Variants in DPYD observed in about 807,000 individuals in gnomAD.
The protein encoded by DPYD is dihydropyrimidine dehydrogenase [NADP(+)].
DPYD carries 109 observed loss-of-function variants against 116.2 expected under a neutral mutation model. The observed-to-expected ratio is 0.94, with a 90% CI of 0.80 to 1.10. The LOEUF (loss-of-function observed/expected upper bound fraction) is 1.10, where lower values mean the gene tolerates loss of function less well. Ranked by LOEUF, DPYD falls within the 50% of genes least tolerant of loss-of-function variation. The probability of loss-of-function intolerance (pLI) is 0.00; values close to 1 mark genes in which losing one functional copy is unlikely to be tolerated. For missense variants in DPYD, 1,302 were observed against 1,254.5 expected (o/e 1.04, Z -0.57); for synonymous variants, 440 against 432.0 (o/e 1.02, Z -0.23).
chr1:97,114,639 C>T (rs1408904100), intron 20 of DPYD, among the ~76,000 whole-genome samples: 1 of 151,930 alleles, frequency 6.6e-6, no homozygotes, highest in Non-Finnish European at 1.5e-5. Flanking sequence ...GAATGAGCCA[C>T]AAAGAGAAAG....
intron 19 of DPYD, among the ~76,000 whole-genome samples, chr1:97,221,601 T>C (rs1210985253): frequency 6.6e-6 from 1 of 152,110 alleles, no homozygotes; most frequent in African/African-American, 2.4e-5. Context: ...CCAGGTTTTC[T>C]AGATCTCTAA....
intron 7 of DPYD, among the ~76,000 whole-genome samples, chr1:97,683,560 T>C (rs935134138): frequency 2.6e-5 from 4 of 151,970 alleles, no homozygotes; most frequent in Non-Finnish European, 5.9e-5. Context: ...TCATATTTTA[T>C]ACTTTTAACT....
intron 3 of DPYD, 67 bp downstream of exon 3, chr1:97,828,047 C>G: frequency 6.8e-7 from 1 of 1,467,672 alleles, no homozygotes. Context: ...CATTTGTTCC[C>G]CAAATAATGA....
At chr1:97,524,936 G>A (rs1648945821) in intron 12 of DPYD, among the ~76,000 whole-genome samples, 1 of 152,120 alleles carries the variant, frequency 6.6e-6, no homozygotes, top group Non-Finnish European at 1.5e-5. Context: ...CATCAAACCT[G>A]CTTCTTCTAC....
intron 20 of DPYD, among the ~76,000 whole-genome samples, chr1:97,129,335 G>C (rs1653096891): frequency 6.6e-6 from 1 of 152,026 alleles, no homozygotes; most frequent in African/African-American, 2.4e-5. Context: ...CAAAGTGCTG[G>C]GATTACAGGT....
At chr1:97,265,957 A>G (rs74104331) in intron 18 of DPYD, among the ~76,000 whole-genome samples, 168 of 152,334 alleles carry the variant, frequency 1.1e-3, no homozygotes, top group African/African-American at 4.0e-3. Flanking sequence ...TGCATTCTAC[A>G]GCATTTTAAT....
intron 12 of DPYD, among the ~76,000 whole-genome samples, chr1:97,544,580 T>C (rs1650686762): frequency 6.6e-6 from 1 of 152,104 alleles, no homozygotes; most frequent in African/African-American, 2.4e-5. Flanking sequence ...TCAAACTTCC[T>C]ATCTGCCATT....
At chr1:97,438,504 G>A (rs552984550) in intron 14 of DPYD, among the ~76,000 whole-genome samples, 1 of 151,864 alleles carries the variant, frequency 6.6e-6, no homozygotes, top group African/African-American at 2.4e-5. Context: ...TTAATTTCCA[G>A]TTGTTTATTG....
intron 14 of DPYD, among the ~76,000 whole-genome samples, chr1:97,440,051 G>A (rs1205839480): frequency 1.3e-5 from 2 of 151,964 alleles, no homozygotes; most frequent in African/African-American, 4.8e-5. Flanking sequence ...CGAGGCGGGG[G>A]GATCACCTGA....
At chr1:97,526,887 A>G (rs529189645) in intron 12 of DPYD, among the ~76,000 whole-genome samples, 8 of 152,172 alleles carry the variant, frequency 5.3e-5, no homozygotes, top group Non-Finnish European at 1.2e-4. Flanking sequence ...TGCAAGTAAT[A>G]TTTATACCAG....
chr1:97,309,655 C>G (rs1047580798), intron 16 of DPYD, among the ~76,000 whole-genome samples: 1 of 151,542 alleles, frequency 6.6e-6, no homozygotes, highest in Non-Finnish European at 1.5e-5. Flanking sequence ...GAGGTACAGC[C>G]CAGTGTCTGC....
At chr1:97,859,056 C>T (rs1315892783) in intron 2 of DPYD, among the ~76,000 whole-genome samples, 1 of 151,718 alleles carries the variant, frequency 6.6e-6, no homozygotes, top group African/African-American at 2.4e-5. Context: ...TGATAATTTC[C>T]CTCCTTTTTG....
At chr1:97,331,771 G>C (rs1213061824) in intron 16 of DPYD, among the ~76,000 whole-genome samples, 2 of 152,078 alleles carry the variant, frequency 1.3e-5, no homozygotes, top group African/African-American at 2.4e-5. Context: ...AAAGAATAGT[G>C]TTTTTGTTGT....
chr1:97,642,512 A>G (rs1001158405), intron 8 of DPYD, among the ~76,000 whole-genome samples: 1 of 152,066 alleles, frequency 6.6e-6, no homozygotes, highest in Admixed American at 6.6e-5. Context: ...TATTTAATAA[A>G]TGTTGTTGGG....
intron 16 of DPYD, among the ~76,000 whole-genome samples, chr1:97,349,788 A>G (rs987954177): frequency 1.3e-5 from 2 of 152,058 alleles, no homozygotes; most frequent in Admixed American, 1.3e-4. Context: ...GCTATTGTGA[A>G]TAGTACTGCA....
At chr1:97,309,343 G>T (rs889412929) in intron 16 of DPYD, among the ~76,000 whole-genome samples, 1 of 150,950 alleles carries the variant, frequency 6.6e-6, no homozygotes, top group African/African-American at 2.4e-5. Context: ...GTGTGTGTGT[G>T]TGTGTGTGTG....
At chr1:97,389,612 T>A (rs1388092529) in intron 14 of DPYD, among the ~76,000 whole-genome samples, 1 of 152,036 alleles carries the variant, frequency 6.6e-6, no homozygotes, top group Admixed American at 6.6e-5. Flanking sequence ...AAAGCCATTC[T>A]TTTAGTGAAT....
intron 12 of DPYD, among the ~76,000 whole-genome samples, chr1:97,540,477 A>C (rs2102053902): frequency 6.6e-6 from 1 of 152,332 alleles, no homozygotes; most frequent in Admixed American, 6.5e-5. Flanking sequence ...ACATAGGGCA[A>C]GGTCTGAAAG....
chr1:97,751,677 G>A (rs1332613960), intron 3 of DPYD, among the ~76,000 whole-genome samples: 1 of 151,372 alleles, frequency 6.6e-6, no homozygotes, highest in East Asian at 1.9e-4. Context: ...GCTGAGGTAG[G>A]AAGATTGCTT....
Sources: gnomAD v4.1 joint callset for allele counts (sites outside exome capture counted in the v4.1 genomes callset) on GRCh38, gnomAD v4.1.1 for gene constraint, MANE v1.5 for transcripts, NCBI Gene and HGNC (gene_info 2026-07-23, HGNC 2026-07-21) for gene names.